The following PCDHGA6 variants were observed in gnomAD, a reference collection of about 807,000 sequenced individuals.
PCDHGA6 encodes protocadherin gamma-A6.
In PCDHGA6, 41 loss-of-function variants were observed where a neutral mutation model predicts 60.6. The observed-to-expected ratio is 0.68, with a 90% CI of 0.53 to 0.88. PCDHGA6 has a LOEUF of 0.88. Among genes scored for constraint, PCDHGA6 ranks in the 40% least tolerant of loss-of-function variants. PCDHGA6 has a pLI of 0.00. For missense variants in PCDHGA6, 1,312 were observed against 1,203.0 expected (o/e 1.09, Z -1.34); for synonymous variants, 594 against 524.4 (o/e 1.13, Z -1.81).
chr5:141,375,038 G>T lies in PCDHGA6; in HGVS notation c.955G>T (p.Val319Phe). The T allele has an allele frequency of 6.2e-7, 1 of 1,614,038 alleles. No homozygotes were observed. Among genetic ancestry groups the T allele is most frequent in the Non-Finnish European group, 8.5e-7 (1 of 1,179,912 alleles). The change falls in exon 1 of 4, where the codon GTT becomes TTT. Residue 319 changes from valine (V) to phenylalanine (F), a missense_variant. Transcript: ENST00000517434. Reference protein sequence around the residue: ...YEDSSFYELGVEARDGPGLRD... With the variant: ...YEDSSFYELGFEARDGPGLRD... ...GGACTCGAGTTTTTATGAGCTGGGTGTTGAAGCCCGGGATGGGCCAGGTCT... is the reference window on the plus strand; with the variant it reads ...GGACTCGAGTTTTTATGAGCTGGGTTTTGAAGCCCGGGATGGGCCAGGTCT...
intron 1 of PCDHGA6, chr5:141,468,401 C>G (rs943048252): frequency 6.7e-6 from 1 of 149,126 alleles, no homozygotes; most frequent in Non-Finnish European, 1.5e-5. Flanking sequence ...TTGGTGAGAA[C>G]TAATAATAAG....
intron 1 of PCDHGA6, among the ~76,000 whole-genome samples, chr5:141,469,414 A>C (rs1455286338): frequency 1.3e-5 from 2 of 152,118 alleles, no homozygotes; most frequent in Non-Finnish European, 2.9e-5. Flanking sequence ...GTTTCTACTA[A>C]AAATATAAAA....
At chr5:141,435,575 C>T (rs1054936213) in intron 1 of PCDHGA6, among the ~76,000 whole-genome samples, 2 of 152,088 alleles carry the variant, frequency 1.3e-5, no homozygotes, top group South Asian at 2.1e-4. Context: ...AGTACTGGGG[C>T]AAATTTGCAG....
chr5:141,469,394 G>A lies in PCDHGA6; in HGVS notation c.2425-25413G>A, dbSNP rs550152670. Among the ~76,000 whole-genome samples the A allele has an allele frequency of 2.5e-4, 38 of 152,198 alleles. 1 individual carries two copies. The highest frequency in any genetic ancestry group is 8.4e-4 in the African/African-American group (35 of 41,514). On this transcript the variant is annotated intron_variant, in intron 1 of 3. Coordinates refer to ENST00000517434, the MANE Select transcript of PCDHGA6 (RefSeq NM_018919.3). ...GATCGAGACCATCCTGGCCAACATG[G>A]TGAAACCCCGTTTCTACTAAAAATA...
At position 141,432,834 on chromosome 5, in the gene PCDHGA6, A is replaced by G; in HGVS notation, c.2424+56327A>G. 6.2e-7 allele frequency: 1 copy of G among 1,614,082 alleles called. No homozygotes were observed. The highest frequency in any genetic ancestry group is 8.5e-7 in the Non-Finnish European group (1 of 1,179,978). ...TCTGAAACCTCAGACCTCACTCTGTACCTGGTGGTAGCGGTGGCCGCGGTC... is the reference window on the plus strand; with the variant it reads ...TCTGAAACCTCAGACCTCACTCTGTGCCTGGTGGTAGCGGTGGCCGCGGTC... On this transcript the variant is annotated intron_variant, in intron 1 of 3. Transcript: ENST00000517434. This position sits in a 1 kb window ranked among gnomAD's most constrained non-coding sequence, Gnocchi z 6.0.
chr5:141,476,951 A>C lies in PCDHGA6; in HGVS notation c.2425-17856A>C. On this transcript the variant is annotated intron_variant, in intron 1 of 3. Coordinates refer to ENST00000517434, the MANE Select transcript of PCDHGA6 (RefSeq NM_018919.3). The surrounding 1 kb of genome is among the most constrained non-coding windows in gnomAD (Gnocchi z 7.6). ...TCTGGATGAAGGCCCCAACGGTGAA[A>C]TTATTTACTCCTTCGGCAGCCACAA... 6.2e-7 allele frequency: 1 copy of C among 1,614,184 alleles called. No individual in the cohort carries two copies. Among genetic ancestry groups the C allele is most frequent in the South Asian group, 1.1e-5 (1 of 91,088 alleles).
At position 141,376,273 on chromosome 5, in the gene PCDHGA6, T is replaced by A; in HGVS notation, c.2190T>A (p.Gly730=). The A allele has an allele frequency of 1.2e-6, 2 of 1,614,102 alleles. No homozygotes were observed. The highest frequency in any genetic ancestry group is 1.7e-6 in the Non-Finnish European group (2 of 1,180,014). ...HKSRLLQASG[G]GLASMPGSHF... is the part of the protein sequence containing the mutation. ...CACGCCTGCTGCAGGCTTCGGGAGG[T>A]GGCTTAGCGAGCATGCCCGGCTCGC... The change falls in exon 1 of 4, where the codon GGT becomes GGA. Residue 730 remains glycine (G), a synonymous_variant. Coordinates refer to ENST00000517434, the MANE Select transcript of PCDHGA6 (RefSeq NM_018919.3).
intron 1 of PCDHGA6, among the ~76,000 whole-genome samples, chr5:141,459,838 A>G (rs944807247): frequency 6.6e-6 from 1 of 152,098 alleles, no homozygotes; most frequent in Non-Finnish European, 1.5e-5. Flanking sequence ...TGTGTTGTCT[A>G]TTTGTATATC....
At chr5:141,445,257 A>G (rs1253126709) in intron 1 of PCDHGA6, among the ~76,000 whole-genome samples, 3 of 152,152 alleles carry the variant, frequency 2.0e-5, no homozygotes, top group African/African-American at 2.4e-5. Context: ...GTGTGAGAAT[A>G]TAAGTCGAAA....
chr5:141,420,547 G>A (rs898726649), intron 1 of PCDHGA6: 1 of 278,678 alleles, frequency 3.6e-6, no homozygotes, highest in Non-Finnish European at 6.4e-6. Context: ...TAAAATACAG[G>A]TATATTTTTA....
chr5:141,388,663 C>T (rs770660956), intron 1 of PCDHGA6: 1 of 1,613,810 alleles, frequency 6.2e-7, no homozygotes, highest in Non-Finnish European at 8.5e-7. Flanking sequence ...CCGGGGACCA[C>T]GGTGCTACAG....
At chr5:141,414,918 G>A (rs1316323072) in intron 1 of PCDHGA6, 2 of 1,614,180 alleles carry the variant, frequency 1.2e-6, no homozygotes, top group Admixed American at 3.3e-5. Flanking sequence ...GCGTGGAGCT[G>A]GCGCCCCGCT....
At chr5:141,388,814 C>A in intron 1 of PCDHGA6, 1 of 1,613,826 alleles carries the variant, frequency 6.2e-7, no homozygotes, top group Non-Finnish European at 8.5e-7. Context: ...TTGAAGAAGT[C>A]AAAGAATATT....
chr5:141,485,666 A>G lies in PCDHGA6; in HGVS notation c.2425-9141A>G. ...GGCTCAGGATGCAGATGTGGGGAGC[A>G]ATTCGATTAGCAGCTATAGGCTGAG... On this transcript the variant is annotated intron_variant, in intron 1 of 3. Coordinates refer to ENST00000517434, the MANE Select transcript of PCDHGA6 (RefSeq NM_018919.3). The surrounding 1 kb of genome is among the most constrained non-coding windows in gnomAD (Gnocchi z 5.7). 1 of 1,612,786 alleles carries G rather than the reference A, an allele frequency of 6.2e-7. No homozygotes were observed. Among genetic ancestry groups the G allele is most frequent in the Non-Finnish European group, 8.5e-7 (1 of 1,178,960 alleles).
chr5:141,418,759 C>T (rs527475797), intron 1 of PCDHGA6: 17 of 1,613,898 alleles, frequency 1.1e-5, no homozygotes, highest in Non-Finnish European at 1.4e-5. Flanking sequence ...CTACAGGAAA[C>T]ATTCTAACTC....
Position 141,491,067 on chromosome 5 carries a change from G to A in PCDHGA6, c.2425-3740G>A, listed in dbSNP as rs752758445. On this transcript the variant is annotated intron_variant, in intron 1 of 3. Coordinates refer to ENST00000517434, the MANE Select transcript of PCDHGA6 (RefSeq NM_018919.3). This position sits in a 1 kb window ranked among gnomAD's most constrained non-coding sequence, Gnocchi z 6.9. ...ACAATGCGTGGCTCTCCTACTCACT[G>A]TTGCCACAGTCCACAGCCCCAGGAC... is the stretch of plus-strand genomic sequence containing the variant. 6.2e-7 allele frequency: 1 copy of A among 1,614,200 alleles called. No individual in the cohort carries two copies. Among genetic ancestry groups the A allele is most frequent in the East Asian group, 2.2e-5 (1 of 44,892 alleles).
chr5:141,375,185 C>G lies in PCDHGA6; in HGVS notation c.1102C>G (p.Leu368Val). 6.2e-7 allele frequency: 1 copy of G among 1,613,948 alleles called. No homozygotes were observed. The highest frequency in any genetic ancestry group is 8.5e-7 in the Non-Finnish European group (1 of 1,179,894). ...TGCACCTCCAGGAACAGTAATCGCC[C>G]TTTTTCAAGTGTTCGATCGAGACTC... ...ESAPPGTVIA[L>V]FQVFDRDSGL... Residue 368 changes from leucine (L) to valine (V), a missense_variant, in exon 1 of 4, where the codon CTT becomes GTT. Leu to Val is a conservative substitution (Grantham distance 32). Coordinates refer to ENST00000517434, the MANE Select transcript of PCDHGA6 (RefSeq NM_018919.3).
In PCDHGA6 at chr5:141,427,737, G is replaced by C. The variant is rs1460682938; in HGVS notation, c.2424+51230G>C. 2.5e-6 allele frequency: 3 copies of C among 1,223,986 alleles called. No homozygotes were observed. The African/African-American group carries it at 4.4e-5, about 18-fold the overall frequency. 75.8% of individuals were successfully genotyped at this position (1,223,986 alleles called of 1,614,324 possible). A position where few individuals can be genotyped will look rare whatever the true frequency, so the allele number is the denominator to read the frequency against. On this transcript the variant is annotated intron_variant, in intron 1 of 3. Coordinates refer to ENST00000517434, the MANE Select transcript of PCDHGA6 (RefSeq NM_018919.3). The stretch of plus-strand genomic sequence containing the variant: ...CCTGGACCTAGGGCTGAATGGCCAA[G>C]TCTCCTACTCCATCGTTACCACTGA...
intron 1 of PCDHGA6, among the ~76,000 whole-genome samples, chr5:141,465,206 C>T (rs375753635): frequency 1.8e-4 from 27 of 151,896 alleles, no homozygotes; most frequent in Middle Eastern, 3.4e-3. Context: ...AAAATATAAG[C>T]TTTATTTTTC....
Sources: allele counts gnomAD v4.1 joint callset (sites outside exome capture counted in the v4.1 genomes callset), GRCh38; gene constraint gnomAD v4.1.1; non-coding constraint Gnocchi (gnomAD v3.1); transcripts MANE v1.5; gene names NCBI Gene and HGNC (gene_info 2026-07-23, HGNC 2026-07-21).